Variants in PLA2G4A observed in about 807,000 individuals in gnomAD.
The protein encoded by PLA2G4A is phospholipase A2 group IVA.
PLA2G4A carries 40 observed loss-of-function variants against 81.9 expected under a neutral mutation model. The observed-to-expected ratio is 0.49, with a 90% CI of 0.38 to 0.64. The LOEUF is 0.64. Among genes scored for constraint, PLA2G4A ranks in the 30% least tolerant of loss-of-function variants. The pLI is 0.00. For synonymous variants in PLA2G4A, 302 were observed against 296.9 expected, an observed-to-expected ratio of 1.02 and a Z score of -0.18; for missense variants, 715 against 905.1, an observed-to-expected ratio of 0.79 and a Z score of 2.69.
At chr1:186,929,871 G>T (rs1326041764) in intron 7 of PLA2G4A, among the ~76,000 whole-genome samples, 3 of 152,270 alleles carry the variant, frequency 2.0e-5, no homozygotes. Context: ...AGACAAGCCT[G>T]GGCAACATGG....
intron 17 of PLA2G4A, among the ~76,000 whole-genome samples, chr1:186,985,128 G>A (rs1286721792): frequency 4.6e-5 from 7 of 152,102 alleles, no homozygotes; most frequent in Non-Finnish European, 1.5e-5. Context: ...TGTCTCTGAC[G>A]AATGCCACAG....
At chr1:186,882,827 T>C (rs1434109296) in intron 3 of PLA2G4A, among the ~76,000 whole-genome samples, 1 of 152,106 alleles carries the variant, frequency 6.6e-6, no homozygotes, top group Non-Finnish European at 1.5e-5. Flanking sequence ...AGGAGTCAGA[T>C]GTTAACATCA....
intron 15 of PLA2G4A, among the ~76,000 whole-genome samples, chr1:186,971,329 G>A (rs1657348348): frequency 6.6e-6 from 1 of 151,910 alleles, no homozygotes; most frequent in Non-Finnish European, 1.5e-5. Context: ...TAAAAAGCAT[G>A]TCTCCAATCA....
At chr1:186,935,296 G>A (rs1202403733) in intron 8 of PLA2G4A, among the ~76,000 whole-genome samples, 1 of 151,712 alleles carries the variant, frequency 6.6e-6, no homozygotes, top group Non-Finnish European at 1.5e-5. Flanking sequence ...ACAAAAAATA[G>A]GCATATGAAC....
intron 2 of PLA2G4A, among the ~76,000 whole-genome samples, chr1:186,861,306 G>A (rs1207909568): frequency 6.6e-6 from 1 of 152,118 alleles, no homozygotes; most frequent in Non-Finnish European, 1.5e-5. Flanking sequence ...TCCTTAGAAC[G>A]CCGAGGAATC....
chr1:186,865,311 T>A (rs1652985242), intron 2 of PLA2G4A, among the ~76,000 whole-genome samples: 2 of 151,902 alleles, frequency 1.3e-5, no homozygotes, highest in African/African-American at 4.8e-5. Flanking sequence ...TGAGAATTTT[T>A]AAAAAAAGAT....
chr1:186,924,713 T>C (rs1655486286), intron 7 of PLA2G4A, among the ~76,000 whole-genome samples: 1 of 151,996 alleles, frequency 6.6e-6, no homozygotes, highest in Non-Finnish European at 1.5e-5. Flanking sequence ...GCTGGGATTA[T>C]GGGGTGCATG....
chr1:186,962,604 C>T (rs1004387314), intron 14 of PLA2G4A, among the ~76,000 whole-genome samples: 1 of 152,020 alleles, frequency 6.6e-6, no homozygotes, highest in South Asian at 2.1e-4. Context: ...TCTCTGCAAG[C>T]TCCGTCTCCC....
intron 3 of PLA2G4A, among the ~76,000 whole-genome samples, chr1:186,884,176 A>G (rs1653843576): frequency 6.6e-6 from 1 of 152,120 alleles, no homozygotes. Flanking sequence ...AAATATGAAT[A>G]CATTATTAAA....
chr1:186,973,603 G>A (rs1657434493), intron 15 of PLA2G4A, among the ~76,000 whole-genome samples: 1 of 152,136 alleles, frequency 6.6e-6, no homozygotes, highest in Non-Finnish European at 1.5e-5. Context: ...ACATTAAGTT[G>A]ACATTAATTT....
At chr1:186,914,569 G>A (rs927886913) in intron 7 of PLA2G4A, among the ~76,000 whole-genome samples, 2 of 151,932 alleles carry the variant, frequency 1.3e-5, no homozygotes, top group Non-Finnish European at 1.5e-5. Context: ...GCAAGCAGGG[G>A]GTACATGACT....
chr1:186,931,517 CTATTATTATTATTATTATTATTATTAT>C (rs3060324), intron 7 of PLA2G4A, among the ~76,000 whole-genome samples: 1 of 144,964 alleles, frequency 6.9e-6, no homozygotes, highest in Non-Finnish European at 1.5e-5. Flanking sequence ...AAAATGTTTG[CTATTATTATTATTATTATTATTATTAT>C]TATTATTATT....
intron 5 of PLA2G4A, among the ~76,000 whole-genome samples, chr1:186,905,120 G>A (rs1295310263): frequency 6.6e-6 from 1 of 152,196 alleles, no homozygotes; most frequent in Non-Finnish European, 1.5e-5. Flanking sequence ...CTCCCAAAGT[G>A]CTGGGATTAC....
intron 8 of PLA2G4A, among the ~76,000 whole-genome samples, chr1:186,937,144 C>A (rs957985821): frequency 6.6e-6 from 1 of 151,460 alleles, no homozygotes; most frequent in Non-Finnish European, 1.5e-5. Flanking sequence ...GTCATAAATG[C>A]TGAACAAGCA....
intron 1 of PLA2G4A, 98 bp from the exon 2 acceptor site, chr1:186,854,188 G>C (rs1444035293): frequency 1.7e-6 from 1 of 589,094 alleles, no homozygotes. Context: ...AGTGTCCTTG[G>C]GTAGACTTTT....
intron 15 of PLA2G4A, among the ~76,000 whole-genome samples, chr1:186,970,774 T>A (rs1194462836): frequency 6.6e-6 from 1 of 152,092 alleles, no homozygotes; most frequent in East Asian, 1.9e-4. Context: ...ATATGTCCGT[T>A]TTTGTGCCAG....
rs578179490 is a variant in PLA2G4A, at chr1:186,838,621, C to G, written c.-70+9586C>G. On this transcript the variant is annotated intron_variant, in intron 1 of 17. Transcript: ENST00000367466. ...GTTACCTGTTCCAGGAGCCATCATT[C>G]TGGAACCTTTTTTTTCTTCATGTTC... Among the ~76,000 whole-genome samples, 36 of 152,250 alleles carry G rather than the reference C, an allele frequency of 2.4e-4. No individual in the cohort carries two copies. In the South Asian group the frequency reaches 4.2e-3, roughly 18 times the overall value.
chr1:186,970,045 C>T (rs1196720219), intron 15 of PLA2G4A, among the ~76,000 whole-genome samples: 1 of 151,948 alleles, frequency 6.6e-6, no homozygotes, highest in East Asian at 1.9e-4. Context: ...AGGAGGGTTC[C>T]CCTTTCTCCA....
intron 2 of PLA2G4A, among the ~76,000 whole-genome samples, chr1:186,860,410 T>C (rs1214544884): frequency 1.8e-5 from 1 of 55,718 alleles, no homozygotes; most frequent in Non-Finnish European, 3.4e-5. Flanking sequence ...CAGGACAAAA[T>C]GCAAGGAGCT....
Sources: gnomAD v4.1 joint callset for allele counts (sites outside exome capture counted in the v4.1 genomes callset) on GRCh38, gnomAD v4.1.1 for gene constraint, MANE v1.5 for transcripts, NCBI Gene and HGNC (gene_info 2026-07-23, HGNC 2026-07-21) for gene names.